Variants in CEP135 observed in about 807,000 individuals in gnomAD.
CEP135 encodes centrosomal protein 135.
A neutral mutation model predicts 157.3 loss-of-function variants in CEP135; 142 were observed. The ratio of observed to expected loss-of-function variants is 0.90; its 90% CI spans 0.79 to 1.04. CEP135 has a LOEUF of 1.04. Among genes scored for constraint, CEP135 ranks in the 50% least tolerant of loss-of-function variants. The pLI, the probability that CEP135 is intolerant of heterozygous loss-of-function variation, is 0.00. For missense variants in CEP135, 1,317 were observed against 1,309.2 expected (o/e 1.01, Z -0.09); for synonymous variants, 396 against 439.8 (o/e 0.90, Z 1.25).
At chr4:56,001,766 T>TG in intron 17 of CEP135, among the ~76,000 whole-genome samples, 1 of 151,782 alleles carries the variant, frequency 6.6e-6, no homozygotes, top group Non-Finnish European at 1.5e-5. Context: ...GAGGATTTTT[T>TG]TTTCTATATC....
chr4:55,991,318 CTT>C (rs36216484), intron 14 of CEP135, among the ~76,000 whole-genome samples: 8 of 133,568 alleles, frequency 6.0e-5, no homozygotes, highest in African/African-American at 8.2e-5. Flanking sequence ...CTGTTTTTTT[CTT>C]TTTTTTTTTT....
Position 56,019,429 on chromosome 4 carries a change from T to C in CEP135, c.3089T>C (p.Val1030Ala). The stretch of plus-strand genomic sequence containing the variant: ...CAACTTTCAAATGAGAGACATACAG[T>C]TAAAAACCTCGAATCATTGTTGGCT... ...KKQLSNERHT[V>A]KNLESLLATN... Residue 1030 changes from valine (V) to alanine (A), a missense_variant, in exon 23 of 26, where the codon GTT becomes GCT. By Grantham distance (64) the Val-to-Ala change is moderately conservative. Transcript: ENST00000257287. 1 of 1,613,864 alleles carries C rather than the reference T, an allele frequency of 6.2e-7. No homozygotes were observed. The highest frequency in any genetic ancestry group is 8.5e-7 in the Non-Finnish European group (1 of 1,179,920).
intron 17 of CEP135, among the ~76,000 whole-genome samples, chr4:56,001,776 CTG>C (rs1307320198): frequency 2.6e-5 from 4 of 151,150 alleles, no homozygotes; most frequent in African/African-American, 9.7e-5. Flanking sequence ...TTTTCTATAT[CTG>C]TGAGAAATGT....
intron 4 of CEP135, among the ~76,000 whole-genome samples, chr4:55,954,651 ATTC>A (rs1455021990): frequency 6.6e-6 from 1 of 152,194 alleles, no homozygotes; most frequent in African/African-American, 2.4e-5. Context: ...AATATTTTAA[ATTC>A]TTTTTTCTAT....
intron 17 of CEP135, among the ~76,000 whole-genome samples, chr4:56,006,340 C>T (rs1248897212): frequency 6.6e-6 from 1 of 152,118 alleles, no homozygotes; most frequent in Non-Finnish European, 1.5e-5. Flanking sequence ...TGATTCTTGC[C>T]TTTGCTTGAT....
At chr4:56,010,427 T>C (rs1197404341) in intron 19 of CEP135, among the ~76,000 whole-genome samples, 2 of 148,662 alleles carry the variant, frequency 1.3e-5, no homozygotes, top group Non-Finnish European at 2.9e-5. Flanking sequence ...TAGCTTAGAA[T>C]GCTGCTATAT....
intron 25 of CEP135, among the ~76,000 whole-genome samples, chr4:56,025,724 A>C (rs1275285468): frequency 2.0e-5 from 3 of 152,190 alleles, no homozygotes; most frequent in Non-Finnish European, 4.4e-5. Flanking sequence ...TAGAGAGACC[A>C]GTAAGTGGTA....
intron 24 of CEP135, among the ~76,000 whole-genome samples, chr4:56,022,389 G>A (rs145237999): frequency 1.4e-4 from 22 of 152,210 alleles, no homozygotes; most frequent in Non-Finnish European, 2.9e-4. Context: ...TTTCTTGGGG[G>A]TAGGGAATAG....
intron 24 of CEP135, among the ~76,000 whole-genome samples, chr4:56,021,278 C>T (rs1730965643): frequency 6.6e-6 from 1 of 152,022 alleles, no homozygotes; most frequent in Non-Finnish European, 1.5e-5. Context: ...CTGATGAATC[C>T]CACCAACAAT....
intron 9 of CEP135, among the ~76,000 whole-genome samples, chr4:55,969,414 C>G (rs1476706477): frequency 4.5e-5 from 6 of 133,284 alleles, no homozygotes; most frequent in African/African-American, 8.6e-5. Flanking sequence ...GCAACAAGAG[C>G]GAAACTCCAT....
chr4:55,995,276 C>T (rs1729932792), intron 15 of CEP135, among the ~76,000 whole-genome samples: 1 of 152,066 alleles, frequency 6.6e-6, no homozygotes, highest in African/African-American at 2.4e-5. Context: ...AGACAAGAGT[C>T]AATATTTTAG....
intron 23 of CEP135, among the ~76,000 whole-genome samples, chr4:56,020,127 G>A (rs1236412173): frequency 6.6e-6 from 1 of 152,168 alleles, no homozygotes; most frequent in Non-Finnish European, 1.5e-5. Flanking sequence ...AGTCAGTGAA[G>A]GAGAAAGTGT....
At chr4:56,002,160 T>C (rs537564912) in intron 17 of CEP135, among the ~76,000 whole-genome samples, 6 of 152,248 alleles carry the variant, frequency 3.9e-5, no homozygotes, top group Middle Eastern at 3.4e-3. Flanking sequence ...CTTAAGGTTT[T>C]TCTAAATACA....
intron 25 of CEP135, among the ~76,000 whole-genome samples, chr4:56,030,373 A>G (rs535968906): frequency 8.9e-4 from 135 of 152,368 alleles, no homozygotes; most frequent in Non-Finnish European, 1.6e-3. Flanking sequence ...ATGGGACCAC[A>G]GTCTTTTATG....
At chr4:55,970,999 ATATT>A (rs1322764864) in intron 9 of CEP135, among the ~76,000 whole-genome samples, 1 of 152,216 alleles carries the variant, frequency 6.6e-6, no homozygotes, top group Non-Finnish European at 1.5e-5. Flanking sequence ...ATATAAGTAT[ATATT>A]CATTTAGAAA....
intron 15 of CEP135, among the ~76,000 whole-genome samples, chr4:55,998,115 G>A (rs185528042): frequency 7.2e-5 from 11 of 152,112 alleles, no homozygotes; most frequent in Admixed American, 1.3e-4. Context: ...CTTCTTATTC[G>A]TGGTTTTGGA....
At chr4:56,002,979 C>T (rs988211976) in intron 17 of CEP135, among the ~76,000 whole-genome samples, 1 of 152,102 alleles carries the variant, frequency 6.6e-6, no homozygotes, top group African/African-American at 2.4e-5. Context: ...AGGAATTTCT[C>T]CATTTCTTCT....
rs755240152 is a variant in CEP135, at chr4:55,971,314, ACTC to A, written c.1158_1160del (p.Leu387del). The A allele has an allele frequency of 5.6e-6, 9 of 1,605,626 alleles. No individual in the cohort carries two copies. The highest frequency in any genetic ancestry group is 2.3e-5 in the East Asian group (1 of 44,250). On this transcript the variant is annotated inframe_deletion, in exon 10 of 26. Coordinates refer to ENST00000257287, the MANE Select transcript of CEP135 (RefSeq NM_025009.5). ...AAGAAAAGGAGAGACTGAGTGATGA[ACTC>A]CTTGTAAAATCAGACCTAGAAACTG...
intron 2 of CEP135, 56 bp from the exon 3 acceptor site, chr4:55,953,029 A>G (rs1457186573): frequency 9.5e-6 from 13 of 1,363,150 alleles, no homozygotes; most frequent in Non-Finnish European, 1.1e-5. Context: ...ATATGTTTTT[A>G]GTTATTAGAA....
Sources: allele counts gnomAD v4.1 joint callset (sites outside exome capture counted in the v4.1 genomes callset), GRCh38; gene constraint gnomAD v4.1.1; transcripts MANE v1.5; gene names NCBI Gene and HGNC (gene_info 2026-07-23, HGNC 2026-07-21).